The following PATZ1 variants were observed in gnomAD, a reference collection of about 807,000 sequenced individuals.
The protein encoded by PATZ1 is POZ-, AT hook-, and zinc finger-containing protein 1.
In PATZ1, 9 loss-of-function variants were observed where a neutral mutation model predicts 46.2. The observed-to-expected ratio is 0.19, with a 90% CI of 0.12 to 0.34. The LOEUF (loss-of-function observed/expected upper bound fraction) is 0.34. PATZ1 is among the 10% of genes least tolerant of loss of function. The pLI, the probability that PATZ1 is intolerant of heterozygous loss-of-function variation, is 1.00. For missense variants in PATZ1, 632 were observed against 923.0 expected (o/e 0.68, Z 4.08); for synonymous variants, 426 against 378.6 (o/e 1.13, Z -1.45).
At position 31,344,593 on chromosome 22, in the gene PATZ1, G is replaced by A. The variant is rs1468705290; in HGVS notation, c.1010C>T (p.Pro337Leu). 1 of 1,614,178 alleles carries A rather than the reference G, an allele frequency of 6.2e-7. No individual in the cohort carries two copies. The highest frequency in any genetic ancestry group is 8.5e-7 in the Non-Finnish European group (1 of 1,180,040). ...PPPRLGENGL[P>L]ISEDPDGPRK... ...GGGGCCGTCGGGGTCTTCAGAGATG[G>A]GTAGCCCATTCTCACCCAGCCTCGG... The change falls in exon 1 of 5, where the codon CCC becomes CTC. Residue 337 changes from proline (P) to leucine (L), a missense_variant. Transcript: ENST00000266269.
At chr22:31,342,296 G>A (rs915969708) in intron 2 of PATZ1, among the ~76,000 whole-genome samples, 7 of 152,122 alleles carry the variant, frequency 4.6e-5, no homozygotes. Flanking sequence ...AGAGCTAAAA[G>A]AAGAAGAGCC....
rs749719630 is a variant in PATZ1 at position 31,342,973 on chromosome 22, G to T, written c.1272-13C>A. The T allele has an allele frequency of 6.2e-6, 10 of 1,613,720 alleles. No homozygotes were observed. Among genetic ancestry groups the T allele is most frequent in the Non-Finnish European group, 8.5e-6 (10 of 1,179,818 alleles). ...CAAGTGATCAGGCCTGGAAAAGAGAGAACCAAGAGGGACTTTAGAAACTTG... is the reference window on the plus strand; with the variant it reads ...CAAGTGATCAGGCCTGGAAAAGAGATAACCAAGAGGGACTTTAGAAACTTG... On this transcript the variant is annotated splice_polypyrimidine_tract_variant and intron_variant, in intron 1 of 4. Transcript: ENST00000266269.
intron 2 of PATZ1, chr22:31,337,841 A>G (rs1287438425): frequency 6.6e-6 from 1 of 152,180 alleles, no homozygotes; most frequent in African/African-American, 2.4e-5. Context: ...GTCAACACAT[A>G]CAGACATCTA....
chr22:31,343,205 C>A lies in PATZ1; in HGVS notation c.1272-245G>T, dbSNP rs1003120525. The A allele has an allele frequency of 3.2e-6, 4 of 1,263,840 alleles. No homozygotes were observed. In the African/African-American group the frequency reaches 6.1e-5, roughly 19 times the overall value. The allele number at this position is 1,263,840 out of a possible 1,614,324, so 78.3% of individuals were successfully genotyped here. On this transcript the variant is annotated intron_variant, in intron 1 of 4. Transcript: ENST00000266269. Reference sequence around the variant, plus strand: ...GCATTTGTCTCTGATTTTGCCTCCCCACTCCCTCAATTCTCCCCACCAGAA... The same window carrying A: ...GCATTTGTCTCTGATTTTGCCTCCCAACTCCCTCAATTCTCCCCACCAGAA...
chr22:31,341,411 A>G (rs1309580177), intron 2 of PATZ1: 1 of 1,545,904 alleles, frequency 6.5e-7, no homozygotes, highest in South Asian at 1.3e-5. Flanking sequence ...CAGGCTAGCC[A>G]ACAGGCCACT....
chr22:31,345,083 G>C lies in PATZ1; in HGVS notation c.520C>G (p.Leu174Val), dbSNP rs1275952099. Residue 174 changes from leucine (L) to valine (V), a missense_variant, in exon 1 of 5, where the codon CTC becomes GTC. Coordinates refer to ENST00000266269, the MANE Select transcript of PATZ1 (RefSeq NM_014323.3). This position sits in a 1 kb window ranked among gnomAD's most constrained non-coding sequence, Gnocchi z 7.4. ...LVPPARADIM[L>V]FRPPGTSDLG... is the part of the protein sequence containing the mutation. ...TCCGAGGTCCCAGGGGGGCGAAAGA[G>C]CATTATATCGGCGCGGGCAGGGGGT... is the stretch of plus-strand genomic sequence containing the variant. The C allele has an allele frequency of 6.2e-7, 1 of 1,614,090 alleles. No homozygotes were observed. Among genetic ancestry groups the C allele is most frequent in the Non-Finnish European group, 8.5e-7 (1 of 1,180,042 alleles).
chr22:31,341,352 C>G, intron 2 of PATZ1: 1 of 1,506,844 alleles, frequency 6.6e-7, no homozygotes. Context: ...GGTCTCAGGC[C>G]AAATGCCCCT....
At chr22:31,338,326 G>A (rs1056354843) in intron 2 of PATZ1, among the ~76,000 whole-genome samples, 81 of 152,370 alleles carry the variant, frequency 5.3e-4, no homozygotes, top group Admixed American at 1.7e-3. Context: ...TCAGGAGAGG[G>A]AGCTTCTGCT....
chr22:31,341,687 G>A, intron 2 of PATZ1: 1 of 1,602,444 alleles, frequency 6.2e-7, no homozygotes, highest in African/African-American at 1.3e-5. Context: ...CCCACACCTG[G>A]AAAAAGGGCA....
intron 2 of PATZ1, chr22:31,341,417 C>T (rs773030416): frequency 5.8e-6 from 9 of 1,553,244 alleles, no homozygotes; most frequent in Non-Finnish European, 7.0e-6. Flanking sequence ...AGCCAACAGG[C>T]CACTGGGTAA....
At position 31,328,805 on chromosome 22, in the gene PATZ1, T is replaced by C. The variant is rs1343057460; in HGVS notation, c.1627A>G (p.Arg543Gly). 6.2e-7 allele frequency: 1 copy of C among 1,613,274 alleles called. No individual in the cohort carries two copies. The highest frequency in any genetic ancestry group is 1.7e-5 in the Admixed American group (1 of 60,006). ...CGCTTGCCTTTGTTGCCATAGGTCC[T>C]GGCGCAGTGGAACGCTGCTCCCCCA... ...LNGGAAFHCARTYGNKEGQKC... is the reference protein window; with the variant it reads ...LNGGAAFHCAGTYGNKEGQKC... The change falls in exon 4 of 5, where the codon AGG (arginine) becomes GGG (glycine). Residue 543 changes from arginine (R) to glycine (G), a missense_variant. Arg to Gly is a moderately radical substitution (Grantham distance 125). Coordinates refer to ENST00000266269, the MANE Select transcript of PATZ1 (RefSeq NM_014323.3). The surrounding 1 kb of genome is among the most constrained non-coding windows in gnomAD (Gnocchi z 4.8).
rs1569028045 is a variant in PATZ1, at chr22:31,341,422, G to C, written c.1335+1475C>G. On this transcript the variant is annotated intron_variant, in intron 2 of 4. Coordinates refer to ENST00000266269, the MANE Select transcript of PATZ1 (RefSeq NM_014323.3). ...GGCCCAGGCTAGCCAACAGGCCACTGGGTAAAGGCCCTGCTGCCCTCTGGG... is the reference window on the plus strand; with the variant it reads ...GGCCCAGGCTAGCCAACAGGCCACTCGGTAAAGGCCCTGCTGCCCTCTGGG... 3 of 1,564,960 alleles carry C rather than the reference G, an allele frequency of 1.9e-6. No individual in the cohort carries two copies. In the East Asian group the frequency reaches 6.7e-5, roughly 35 times the overall value.
chr22:31,344,229 G>A, intron 1 of PATZ1, 103 bp downstream of exon 1: 2 of 1,066,982 alleles, frequency 1.9e-6, no homozygotes, highest in Admixed American at 2.3e-5. Context: ...GGTTCTATAA[G>A]GTCAAATGAC....
chr22:31,341,769 G>T, intron 2 of PATZ1: 1 of 1,169,884 alleles, frequency 8.5e-7, no homozygotes, highest in Non-Finnish European at 1.2e-6. Context: ...TACTCTGCCC[G>T]GGCTAATCAG....
chr22:31,339,954 C>T (rs184325365), intron 2 of PATZ1, among the ~76,000 whole-genome samples: 3 of 152,326 alleles, frequency 2.0e-5, no homozygotes, highest in Admixed American at 2.0e-4. Context: ...ACTCTAAGGG[C>T]AATGCATGAA....
intron 3 of PATZ1, 31 bp downstream of exon 3, chr22:31,335,661 T>C (rs1208172008): frequency 3.1e-6 from 5 of 1,607,908 alleles, no homozygotes; most frequent in Non-Finnish European, 4.3e-6. Context: ...AGGCCCATCC[T>C]CTGGAAGTGA....
Position 31,336,348 on chromosome 22 carries a change from A to G in PATZ1, c.1336-485T>C, listed in dbSNP as rs1368503231. Among the ~76,000 whole-genome samples the G allele has an allele frequency of 2.6e-5, 4 of 152,238 alleles. No individual in the cohort carries two copies. In the East Asian group the frequency reaches 7.7e-4, roughly 29 times the overall value. ...TATTTGTTCATTTTATTCAAAAGTG[A>G]CATTAGTCTTGGCCAGGGAAATGGA... On this transcript the variant is annotated intron_variant, in intron 2 of 4. Coordinates refer to ENST00000266269, the MANE Select transcript of PATZ1 (RefSeq NM_014323.3).
intron 1 of PATZ1, chr22:31,343,373 C>G (rs1041923787): frequency 3.7e-5 from 37 of 988,446 alleles, no homozygotes; most frequent in Non-Finnish European, 4.1e-5. Flanking sequence ...CCCAGCCTCT[C>G]CCGCCACGGG....
At chr22:31,337,474 C>T (rs942748124) in intron 2 of PATZ1, among the ~76,000 whole-genome samples, 1 of 152,216 alleles carries the variant, frequency 6.6e-6, no homozygotes, top group Non-Finnish European at 1.5e-5. Context: ...AGTGATCAGT[C>T]TCCTCACAAC....
Sources: allele counts gnomAD v4.1 joint callset (sites outside exome capture counted in the v4.1 genomes callset), GRCh38; gene constraint gnomAD v4.1.1; non-coding constraint Gnocchi (gnomAD v3.1); transcripts MANE v1.5; gene names NCBI Gene and HGNC (gene_info 2026-07-23, HGNC 2026-07-21).